MKLN1: variants seen among roughly 807,000 people sequenced by gnomAD.
MKLN1 encodes the protein muskelin 1, also known as muskelin.
In MKLN1, 18 loss-of-function variants were observed where a neutral mutation model predicts 99.0. The observed-to-expected ratio is 0.18, with a 90% confidence interval of 0.13 to 0.27. The LOEUF is 0.27. Among genes scored for constraint, MKLN1 ranks in the 10% least tolerant of loss-of-function variants. The pLI is 1.00. For missense variants in MKLN1, 621 were observed against 875.9 expected, an observed-to-expected ratio of 0.71 and a Z score of 3.67; for synonymous variants, 288 against 293.2, an observed-to-expected ratio of 0.98 and a Z score of 0.18.
chr7:131,224,814 C>T (rs986451837), intron 3 of MKLN1, among the ~76,000 whole-genome samples: 4 of 152,024 alleles, frequency 2.6e-5, no homozygotes, highest in East Asian at 3.9e-4. Flanking sequence ...TGGCTCATGC[C>T]TGTAATCCCA....
intron 3 of MKLN1, among the ~76,000 whole-genome samples, chr7:131,218,965 T>G (rs1797023896): frequency 6.6e-6 from 1 of 152,198 alleles, no homozygotes; most frequent in Non-Finnish European, 1.5e-5. Flanking sequence ...GAGACTAATT[T>G]ATGAGTGTGA....
At chr7:131,112,420 T>G (rs1452716929) in intron 1 of MKLN1, among the ~76,000 whole-genome samples, 3 of 152,254 alleles carry the variant, frequency 2.0e-5, no homozygotes, top group African/African-American at 7.2e-5. Flanking sequence ...GACTTTCTAT[T>G]GATGTATCCA....
chr7:131,460,524 AT>A (rs1796485061), intron 12 of MKLN1, among the ~76,000 whole-genome samples: 1 of 152,228 alleles, frequency 6.6e-6, no homozygotes, highest in Admixed American at 6.5e-5. Flanking sequence ...CAAAGTAAAG[AT>A]TGGGAGTTAC....
chr7:131,353,919 A>C (rs1799796485), intron 1 of MKLN1, among the ~76,000 whole-genome samples: 1 of 150,998 alleles, frequency 6.6e-6, no homozygotes, highest in African/African-American at 2.4e-5. Context: ...AAAAAAAAAA[A>C]AAAAACCAGT....
At chr7:131,479,546 G>T (rs544460989) in intron 17 of MKLN1, among the ~76,000 whole-genome samples, 57 of 148,928 alleles carry the variant, frequency 3.8e-4, no homozygotes, top group African/African-American at 1.4e-3. Context: ...TAAAAAATAG[G>T]CCGGGCGTGG....
chr7:131,217,435 C>T (rs1047369867), intron 3 of MKLN1, among the ~76,000 whole-genome samples: 4 of 152,332 alleles, frequency 2.6e-5, no homozygotes, highest in African/African-American at 4.8e-5. Context: ...CAGTGGCTCA[C>T]GCCTGTAATC....
At chr7:131,323,151 G>A (rs538294835), upstream of MKLN1, among the ~76,000 whole-genome samples, 1 of 152,064 alleles carries the variant, frequency 6.6e-6, no homozygotes, top group East Asian at 1.9e-4. Context: ...TGTTCCTTCT[G>A]CTCTAAATTT....
chr7:131,338,585 T>C (rs1454922115), intron 1 of MKLN1, among the ~76,000 whole-genome samples: 1 of 152,228 alleles, frequency 6.6e-6, no homozygotes, highest in Admixed American at 6.5e-5. Context: ...GTTGATCTGC[T>C]ACAGACTATT....
chr7:131,483,985 T>C (rs1797200231), intron 17 of MKLN1, among the ~76,000 whole-genome samples: 1 of 152,148 alleles, frequency 6.6e-6, no homozygotes, highest in Admixed American at 6.6e-5. Context: ...CATATAAATA[T>C]ATAGGTTTGT....
At position 131,450,304 on chromosome 7, in the gene MKLN1, C is replaced by T. The variant is rs565381671; in HGVS notation, c.1525+4401C>T. Among the ~76,000 whole-genome samples, 16 of 152,270 alleles carry T rather than the reference C, an allele frequency of 1.1e-4. No homozygotes were observed. In the East Asian group the frequency reaches 2.7e-3, roughly 26 times the overall value. On this transcript the variant is annotated intron_variant, in intron 12 of 17. Transcript: ENST00000352689. ...CTACTAGGTGCCAGACAATAAGCTA[C>T]GCACTAGGAGTACAACTGTGAATGA...
chr7:131,395,575 T>C (rs959046317), intron 4 of MKLN1, among the ~76,000 whole-genome samples: 1 of 151,736 alleles, frequency 6.6e-6, no homozygotes, highest in Non-Finnish European at 1.5e-5. Flanking sequence ...TTGGTGCCAT[T>C]AGTTTGGTAC....
chr7:131,476,977 G>T (rs992097280), intron 16 of MKLN1, among the ~76,000 whole-genome samples: 1 of 152,078 alleles, frequency 6.6e-6, no homozygotes, highest in Non-Finnish European at 1.5e-5. Flanking sequence ...AAGTCCAACG[G>T]GGAAAAGAAA....
At chr7:131,181,073 A>T (rs1336729383) in intron 2 of MKLN1, among the ~76,000 whole-genome samples, 1 of 152,156 alleles carries the variant, frequency 6.6e-6, no homozygotes, top group Non-Finnish European at 1.5e-5. Flanking sequence ...CTGCAGTTGG[A>T]CGTTTTCCCC....
intron 3 of MKLN1, among the ~76,000 whole-genome samples, chr7:131,272,654 A>G (rs1797903715): frequency 6.6e-6 from 1 of 152,228 alleles, no homozygotes; most frequent in Non-Finnish European, 1.5e-5. Context: ...AATTGGACTT[A>G]CAGTTCCACA....
At chr7:131,444,820 T>TAGTAGA (rs1491342240) in intron 11 of MKLN1, among the ~76,000 whole-genome samples, 1 of 143,806 alleles carries the variant, frequency 7.0e-6, no homozygotes, top group African/African-American at 2.6e-5. Flanking sequence ...GTAGTAGTAG[T>TAGTAGA]AGAAGTGGAA....
intron 12 of MKLN1, among the ~76,000 whole-genome samples, chr7:131,455,277 G>T (rs902544858): frequency 1.3e-5 from 2 of 152,070 alleles, no homozygotes; most frequent in Admixed American, 6.5e-5. Flanking sequence ...CTCCCACAGG[G>T]TTTCTTTATG....
At chr7:131,246,628 T>A (rs1226818038) in intron 3 of MKLN1, among the ~76,000 whole-genome samples, 6 of 150,962 alleles carry the variant, frequency 4.0e-5, no homozygotes, top group Admixed American at 4.0e-4. Flanking sequence ...CTTCCTCCAA[T>A]AAAGTGATTT....
chr7:131,460,169 GT>G (rs796588720), intron 12 of MKLN1, among the ~76,000 whole-genome samples: 7 of 151,616 alleles, frequency 4.6e-5, no homozygotes, highest in South Asian at 2.1e-4. Flanking sequence ...TACTCATAGG[GT>G]TTTTTTTCCC....
intron 2 of MKLN1, among the ~76,000 whole-genome samples, chr7:131,155,703 T>C (rs915651168): frequency 1.3e-5 from 2 of 152,186 alleles, no homozygotes; most frequent in African/African-American, 4.8e-5. Context: ...ATCTTAAAGA[T>C]CGTCTGGCCT....
Sources: gnomAD v4.1 joint callset for allele counts (sites outside exome capture counted in the v4.1 genomes callset) on GRCh38, gnomAD v4.1.1 for gene constraint, MANE v1.5 for transcripts, NCBI Gene and HGNC (gene_info 2026-07-23, HGNC 2026-07-21) for gene names.